CADM2: variants seen among roughly 807,000 people sequenced by gnomAD.
CADM2 encodes the protein cell adhesion molecule 2.
A neutral mutation model predicts 49.8 loss-of-function variants in CADM2; 12 were observed. The observed-to-expected ratio is 0.24, with a 90% confidence interval of 0.15 to 0.39. The LOEUF (loss-of-function observed/expected upper bound fraction) is 0.39. Ranked by LOEUF, CADM2 falls within the 10% of genes least tolerant of loss-of-function variation. CADM2 has a pLI of 1.00. For missense variants in CADM2, 378 were observed against 492.3 expected (o/e 0.77, Z 2.20); for synonymous variants, 214 against 175.4 (o/e 1.22, Z -1.74).
chr3:85,767,587 C>A (rs2069722651), intron 2 of CADM2, among the ~76,000 whole-genome samples: 1 of 152,106 alleles, frequency 6.6e-6, no homozygotes, highest in Admixed American at 6.6e-5. Flanking sequence ...ACCCAATATC[C>A]AGTCTGCTGT....
chr3:85,213,094 G>C (rs2107774346), intron 1 of CADM2, among the ~76,000 whole-genome samples: 1 of 151,938 alleles, frequency 6.6e-6, no homozygotes, highest in South Asian at 2.1e-4. Context: ...TGTTGGCCAG[G>C]CTAGTCTCAA....
intron 1 of CADM2, among the ~76,000 whole-genome samples, chr3:85,533,425 A>G (rs2061362646): frequency 6.6e-6 from 1 of 152,170 alleles, no homozygotes; most frequent in South Asian, 2.1e-4. Flanking sequence ...CTGAAAACCA[A>G]TTTTTAAAAT....
At chr3:85,974,329 G>T (rs961030171) in intron 8 of CADM2, among the ~76,000 whole-genome samples, 4 of 151,640 alleles carry the variant, frequency 2.6e-5, no homozygotes, top group African/African-American at 9.7e-5. Flanking sequence ...GTCTAGCTCT[G>T]TCAAGGGGGT....
At chr3:85,158,197 G>T (rs2040201401) in intron 1 of CADM2, among the ~76,000 whole-genome samples, 1 of 152,198 alleles carries the variant, frequency 6.6e-6, no homozygotes, top group Non-Finnish European at 1.5e-5. Flanking sequence ...AACAACAGGT[G>T]CTGGAGAGGA....
At chr3:85,037,804 G>T (rs1431626275) in intron 1 of CADM2, among the ~76,000 whole-genome samples, 1 of 152,110 alleles carries the variant, frequency 6.6e-6, no homozygotes. Flanking sequence ...CATCCTTCAA[G>T]CTAGAGGTGA....
chr3:85,450,349 A>C (rs565634294), intron 1 of CADM2, among the ~76,000 whole-genome samples: 8 of 152,238 alleles, frequency 5.3e-5, no homozygotes, highest in African/African-American at 1.9e-4. Flanking sequence ...TCCATCTACT[A>C]TGTTATTGCA....
At chr3:85,498,887 C>T (rs1427933892) in intron 1 of CADM2, among the ~76,000 whole-genome samples, 1 of 152,054 alleles carries the variant, frequency 6.6e-6, no homozygotes, top group Non-Finnish European at 1.5e-5. Context: ...TACATATACT[C>T]AGAAGGTCAA....
intron 1 of CADM2, among the ~76,000 whole-genome samples, chr3:85,412,894 G>T (rs2035720979): frequency 6.6e-6 from 1 of 151,522 alleles, no homozygotes; most frequent in African/African-American, 2.4e-5. Context: ...CATTTGAGAA[G>T]TCATTGGGAG....
intron 1 of CADM2, among the ~76,000 whole-genome samples, chr3:85,647,487 T>A (rs1219480157): frequency 6.6e-6 from 1 of 151,772 alleles, no homozygotes. Flanking sequence ...ATATTTAAGA[T>A]AAAGGACAAC....
chr3:85,292,894 G>A (rs1421723889), intron 1 of CADM2, among the ~76,000 whole-genome samples: 1 of 151,894 alleles, frequency 6.6e-6, no homozygotes, highest in African/African-American at 2.4e-5. Flanking sequence ...AAAAGCAAGA[G>A]CAAACACATT....
intron 2 of CADM2, among the ~76,000 whole-genome samples, chr3:85,775,918 T>G (rs1260140498): frequency 1.3e-5 from 2 of 151,904 alleles, no homozygotes; most frequent in Non-Finnish European, 3.0e-5. Context: ...AAAGGATTTT[T>G]AGAGCAAAAG....
intron 1 of CADM2, among the ~76,000 whole-genome samples, chr3:85,099,689 C>T (rs2037938802): frequency 6.6e-6 from 1 of 152,026 alleles, no homozygotes; most frequent in Non-Finnish European, 1.5e-5. Context: ...AGGCTAGTCT[C>T]GAACTCCCAA....
At chr3:85,849,496 A>G (rs1333196657) in intron 3 of CADM2, among the ~76,000 whole-genome samples, 1 of 152,200 alleles carries the variant, frequency 6.6e-6, no homozygotes, top group Admixed American at 6.5e-5. Flanking sequence ...CCCAAAAAAT[A>G]CTTCTAGCTT....
intron 1 of CADM2, among the ~76,000 whole-genome samples, chr3:85,462,647 A>C (rs1235870083): frequency 6.6e-6 from 1 of 152,162 alleles, no homozygotes; most frequent in Non-Finnish European, 1.5e-5. Flanking sequence ...CAGTACCTTC[A>C]AATAATATTA....
intron 7 of CADM2, among the ~76,000 whole-genome samples, chr3:85,948,169 A>G (rs756338008): frequency 6.6e-6 from 1 of 151,564 alleles, no homozygotes; most frequent in Non-Finnish European, 1.5e-5. Context: ...ATATGTGTTT[A>G]TATAGCAAAT....
chr3:85,222,432 A>G (rs1351885360), intron 1 of CADM2, among the ~76,000 whole-genome samples: 1 of 152,124 alleles, frequency 6.6e-6, no homozygotes, highest in African/African-American at 2.4e-5. Context: ...GTCTCCTTGG[A>G]GCTGCACTGG....
chr3:85,318,564 C>G (rs1576341100), intron 1 of CADM2, among the ~76,000 whole-genome samples: 1 of 152,018 alleles, frequency 6.6e-6, no homozygotes. Flanking sequence ...GAAACAAGGT[C>G]CAAACTAATA....
chr3:85,868,411 G>A (rs2075799564), intron 3 of CADM2, among the ~76,000 whole-genome samples: 1 of 151,964 alleles, frequency 6.6e-6, no homozygotes, highest in African/African-American at 2.4e-5. Context: ...AAACAGAAAC[G>A]ACTTTCACTA....
chr3:85,433,136 T>TTC (rs1445420675), intron 1 of CADM2, among the ~76,000 whole-genome samples: 1 of 48,818 alleles, frequency 2.0e-5, no homozygotes, highest in African/African-American at 4.3e-5. Flanking sequence ...TATTTCTGAG[T>TTC]CCTCTTTTTT....
Sources: allele counts gnomAD v4.1 joint callset (sites outside exome capture counted in the v4.1 genomes callset), GRCh38; gene constraint gnomAD v4.1.1; transcripts MANE v1.5; gene names NCBI Gene and HGNC (gene_info 2026-07-23, HGNC 2026-07-21).